ADAP1: variants seen among roughly 807,000 people sequenced by gnomAD.
The protein encoded by ADAP1 is arf-GAP with dual PH domain-containing protein 1.
A neutral mutation model predicts 54.9 loss-of-function variants in ADAP1; 31 were observed. That is an observed-to-expected ratio of 0.56 (90% CI 0.42 to 0.76). The LOEUF (loss-of-function observed/expected upper bound fraction) is 0.76. ADAP1 is among the 30% of genes least tolerant of loss of function. The pLI is 0.00. For missense variants in ADAP1, 535 were observed against 512.4 expected, an observed-to-expected ratio of 1.04 and a Z score of -0.42; for synonymous variants, 313 against 202.6, an observed-to-expected ratio of 1.55 and a Z score of -4.63.
In ADAP1 at chr7:898,954, A is replaced by T; in HGVS notation, c.1097-5T>A. 1.9e-6 allele frequency: 3 copies of T among 1,611,336 alleles called. No individual in the cohort carries two copies. The highest frequency in any genetic ancestry group is 2.5e-6 in the Non-Finnish European group (3 of 1,179,276). On this transcript the variant is annotated splice_polypyrimidine_tract_variant and splice_region_variant and intron_variant, in intron 10 of 10. Coordinates refer to ENST00000265846, the MANE Select transcript of ADAP1 (RefSeq NM_006869.4). ...TATGCTTGAAGTGCGCCTCCACTGC[A>T]ACGGAACAGGGTCCAGCGTTGTCAC...
chr7:924,176 TCCAGGTTACACAGCAGTTCACG>T (rs1846293856), intron 3 of ADAP1, among the ~76,000 whole-genome samples: 1 of 58,972 alleles, frequency 1.7e-5, no homozygotes, highest in East Asian at 1.3e-3. Flanking sequence ...CCCCCCGCCC[TCCAGGTTACACAGCAGTTCACG>T]CTGCACCCCC....
rs113594335 is a variant in ADAP1, at chr7:904,609, G to A, written c.502-337C>T. Among the ~76,000 whole-genome samples, 401 of 152,286 alleles carry A rather than the reference G, an allele frequency of 2.6e-3. 3 individuals carry two copies. Among genetic ancestry groups the A allele is most frequent in the African/African-American group, 9.0e-3 (372 of 41,556 alleles). On this transcript the variant is annotated intron_variant, in intron 5 of 10. Transcript: ENST00000265846. ...ACCAGCCCACCTCCAGCCAGTGCCC[G>A]CCACGGCTCAGGGCGGGTGCTTCTG...
At chr7:922,982 T>C (rs983052426) in intron 3 of ADAP1, 1 of 119,554 alleles carries the variant, frequency 8.4e-6, no homozygotes, top group Non-Finnish European at 1.7e-5. Context: ...AATACCGTGG[T>C]TGCAGATTAG....
rs145820312 is a variant in ADAP1 at position 943,928 on chromosome 7, A to G, written c.83-8423T>C. Reference sequence around the variant, plus strand: ...CATCAGAATTATTACTATTATTATTATTATTGAGACAGGGTCTTGCTCTGT... The same window carrying G: ...CATCAGAATTATTACTATTATTATTGTTATTGAGACAGGGTCTTGCTCTGT... On this transcript the variant is annotated intron_variant, in intron 1 of 10. Coordinates refer to ENST00000265846, the MANE Select transcript of ADAP1 (RefSeq NM_006869.4). Among the ~76,000 whole-genome samples the G allele has an allele frequency of 7.1e-3, 1,079 of 151,940 alleles. 12 individuals are homozygous for G. Among genetic ancestry groups the G allele is most frequent in the African/African-American group, 0.025 (1,041 of 41,390 alleles).
At position 946,834 on chromosome 7, in the gene ADAP1, C is replaced by T. The variant is rs1454682799; in HGVS notation, c.82+7562G>A. Among the ~76,000 whole-genome samples, 1 of 152,234 alleles carries T rather than the reference C, an allele frequency of 6.6e-6. No homozygotes were observed. The highest frequency in any genetic ancestry group is 1.5e-5 in the Non-Finnish European group (1 of 68,052). On this transcript the variant is annotated intron_variant, in intron 1 of 10. Coordinates refer to ENST00000265846, the MANE Select transcript of ADAP1 (RefSeq NM_006869.4). The surrounding 1 kb of genome is among the most constrained non-coding windows in gnomAD (Gnocchi z 4.3). Reference sequence around the variant, plus strand: ...CGTTCTAAATGCCACTGAATTTTCACTTTGAAATGATTAACCTGAGGCCGG... The same window carrying T: ...CGTTCTAAATGCCACTGAATTTTCATTTTGAAATGATTAACCTGAGGCCGG...
intron 4 of ADAP1, among the ~76,000 whole-genome samples, chr7:918,738 G>A (rs1846036162): frequency 6.6e-6 from 1 of 152,148 alleles, no homozygotes; most frequent in African/African-American, 2.4e-5. Flanking sequence ...GGAGAAAGGG[G>A]CACTCAGGAA....
chr7:914,352 C>T (rs1583151001), intron 4 of ADAP1, among the ~76,000 whole-genome samples: 1 of 152,244 alleles, frequency 6.6e-6, no homozygotes, highest in African/African-American at 2.4e-5. Flanking sequence ...GGTGTCGCCA[C>T]TGCCGTGATA....
chr7:915,431 G>A (rs978396458), intron 4 of ADAP1, among the ~76,000 whole-genome samples: 1 of 152,204 alleles, frequency 6.6e-6, no homozygotes, highest in East Asian at 1.9e-4. Context: ...TGGCCGCCCC[G>A]CCGGGCCTGG....
Position 926,074 on chromosome 7 carries a change from G to A in ADAP1, c.305+479C>T, listed in dbSNP as rs950683825. ...TGGTGAAGGCGGCTGATGTGATACC[G>A]AGCAGGCCTCATTCCCTCTCTCCAC... On this transcript the variant is annotated intron_variant, in intron 3 of 10. Coordinates refer to ENST00000265846, the MANE Select transcript of ADAP1 (RefSeq NM_006869.4). The surrounding 1 kb of genome is among the most constrained non-coding windows in gnomAD (Gnocchi z 4.6). Among the ~76,000 whole-genome samples the A allele has an allele frequency of 1.3e-5, 2 of 152,040 alleles. No homozygotes were observed. Among genetic ancestry groups the A allele is most frequent in the Admixed American group, 6.5e-5 (1 of 15,280 alleles).
chr7:918,097 T>C (rs1336448661), intron 4 of ADAP1, among the ~76,000 whole-genome samples: 1 of 152,138 alleles, frequency 6.6e-6, no homozygotes, highest in Non-Finnish European at 1.5e-5. Context: ...ACAGCTAATT[T>C]TTGTATTTTT....
intron 3 of ADAP1, among the ~76,000 whole-genome samples, chr7:923,559 G>C (rs1008227125): frequency 6.6e-6 from 1 of 152,130 alleles, no homozygotes; most frequent in Non-Finnish European, 1.5e-5. Context: ...TGAAGATAAA[G>C]AGGGCACACG....
Position 938,124 on chromosome 7 carries a change from G to A in ADAP1, c.83-2619C>T, listed in dbSNP as rs755358052. ...GGGCGGCTTTTGGGAGAAAGAATGC[G>A]GTTACAGGATCAGCCGTTGTTTGGT... is the stretch of plus-strand genomic sequence containing the variant. On this transcript the variant is annotated intron_variant, in intron 1 of 10. Coordinates refer to ENST00000265846, the MANE Select transcript of ADAP1 (RefSeq NM_006869.4). This position sits in a 1 kb window ranked among gnomAD's most constrained non-coding sequence, Gnocchi z 4.4. 7.2e-5 allele frequency among the ~76,000 whole-genome samples: 11 copies of A among 152,180 alleles called. No homozygotes were observed. The highest frequency in any genetic ancestry group is 1.3e-4 in the Non-Finnish European group (9 of 68,046).
intron 1 of ADAP1, among the ~76,000 whole-genome samples, chr7:952,172 G>A (rs900300782): frequency 6.6e-6 from 1 of 152,192 alleles, no homozygotes; most frequent in African/African-American, 2.4e-5. Flanking sequence ...TCAAGGTCAG[G>A]GGAACCCACT....
Position 900,150 on chromosome 7 carries a change from G to A in ADAP1, c.747C>T (p.Leu249=), listed in dbSNP as rs760064885. 11 of 1,613,138 alleles carry A rather than the reference G, an allele frequency of 6.8e-6. No individual in the cohort carries two copies. The highest frequency in any genetic ancestry group is 9.3e-6 in the Non-Finnish European group (11 of 1,179,960). ...GAGDADLVPK[L]SRNYLKEGYM... is the part of the protein sequence containing the mutation. The stretch of plus-strand genomic sequence containing the variant: ...AGCCTTCCTTCAGGTAGTTCCTGGA[G>A]AGCTTTGGCACCAGCTAGGGCAGGA... The change falls in exon 8 of 11, where the codon CTC becomes CTT. Residue 249 remains leucine, a synonymous_variant. Transcript: ENST00000265846.
chr7:928,935 C>A (rs1562930302), intron 2 of ADAP1, among the ~76,000 whole-genome samples: 1 of 152,216 alleles, frequency 6.6e-6, no homozygotes, highest in Non-Finnish European at 1.5e-5. Flanking sequence ...GCCCCAGCTC[C>A]GTGAACGGAA....
At chr7:922,288 G>T (rs559176602) in intron 3 of ADAP1, among the ~76,000 whole-genome samples, 2 of 152,158 alleles carry the variant, frequency 1.3e-5, no homozygotes, top group Non-Finnish European at 2.9e-5. Context: ...GGGGAGCCAG[G>T]CTTCAAGGAC....
chr7:916,679 A>G (rs1193265573), intron 4 of ADAP1, among the ~76,000 whole-genome samples: 1 of 152,024 alleles, frequency 6.6e-6, no homozygotes, highest in East Asian at 1.9e-4. Context: ...GGGATTCTTG[A>G]GAGGAAGAAA....
At chr7:927,837 A>C (rs1583170953) in intron 2 of ADAP1, among the ~76,000 whole-genome samples, 1 of 152,160 alleles carries the variant, frequency 6.6e-6, no homozygotes, top group Non-Finnish European at 1.5e-5. Context: ...ATGGGAGTCT[A>C]CATGTTTTTT....
intron 4 of ADAP1, chr7:905,560 A>AGAAAGG (rs1845167215): frequency 1.1e-4 from 1 of 9,272 alleles, no homozygotes; most frequent in Admixed American, 1.4e-3. Context: ...GGGAGAAAGG[A>AGAAAGG]GAAAGGAGAA....
Sources: allele counts gnomAD v4.1 joint callset (sites outside exome capture counted in the v4.1 genomes callset), GRCh38; gene constraint gnomAD v4.1.1; non-coding constraint Gnocchi (gnomAD v3.1); transcripts MANE v1.5; gene names NCBI Gene and HGNC (gene_info 2026-07-23, HGNC 2026-07-21).